LNX2: variants seen among roughly 807,000 people sequenced by gnomAD.
LNX2 encodes ligand of numb-protein X 2.
Under a neutral mutation model 66.2 loss-of-function variants are expected in LNX2, and 35 were observed. The observed-to-expected ratio is 0.53, with a 90% confidence interval of 0.40 to 0.70. The LOEUF is 0.70. Ranked by LOEUF, LNX2 falls within the 30% of genes least tolerant of loss-of-function variation. The pLI is 0.00. For synonymous variants in LNX2, 337 were observed against 315.6 expected (o/e 1.07, Z -0.72); for missense variants, 791 against 850.8 (o/e 0.93, Z 0.87).
At position 27,567,731 on chromosome 13, in the gene LNX2, GT is replaced by G. The variant is rs1397851209; in HGVS notation, c.763del (p.Thr255HisfsTer3). The G allele has an allele frequency of 6.2e-7, 1 of 1,613,906 alleles. No homozygotes were observed. On this transcript the variant is annotated frameshift_variant, in exon 4 of 10. Coordinates refer to ENST00000316334, the MANE Select transcript of LNX2 (RefSeq NM_153371.4). LOFTEE classifies it high-confidence loss of function. ...LGISIVGGNE[T>X]PLINIVIQEV... ...CTGGATGACAATGTTAATCAAAGGT[GT>G]TTCGTTGCCACCCACAATGCTGATT...
chr13:27,605,203 TA>T lies in LNX2; in HGVS notation c.-101+15171del, dbSNP rs1268858642. 4.6e-5 allele frequency among the ~76,000 whole-genome samples: 7 copies of T among 152,204 alleles called. No individual in the cohort carries two copies. In the East Asian group the frequency reaches 1.3e-3, roughly 29 times the overall value. On this transcript the variant is annotated intron_variant, in intron 1 of 9. Transcript: ENST00000316334. ...AAGTTGAAGCAGTATATAAAGAATG[TA>T]ACTATTCCTTTCTCTAGGTTTAATA...
At chr13:27,593,413 C>A (rs1057128233) in intron 1 of LNX2, among the ~76,000 whole-genome samples, 1 of 152,106 alleles carries the variant, frequency 6.6e-6, no homozygotes, top group African/African-American at 2.4e-5. Flanking sequence ...CCTAAAAGGG[C>A]TTCTACCTCC....
Position 27,562,665 on chromosome 13 carries a change from T to C in LNX2, c.972A>G (p.Ala324=). ...VLRERRFGNR[A]HNHSDSNSPR... is the part of the protein sequence containing the mutation. ...GAGAGTTACTATCAGAATGGTTGTG[T>C]GCTCGGTTGCCAAAGCGCCTCTCTC... Residue 324 remains alanine (A), a synonymous_variant, in exon 5 of 10, where the codon GCA becomes GCG. Transcript: ENST00000316334. The C allele has an allele frequency of 6.2e-7, 1 of 1,614,184 alleles. No individual in the cohort carries two copies. Among genetic ancestry groups the C allele is most frequent in the Non-Finnish European group, 8.5e-7 (1 of 1,180,026 alleles).
chr13:27,582,051 T>G (rs1955404705), intron 1 of LNX2, among the ~76,000 whole-genome samples: 1 of 152,114 alleles, frequency 6.6e-6, no homozygotes, highest in Non-Finnish European at 1.5e-5. Flanking sequence ...GCTTTTTGAG[T>G]CAGGGTCTTG....
chr13:27,567,856 G>A lies in LNX2; in HGVS notation c.656-17C>T, dbSNP rs369089433. On this transcript the variant is annotated splice_polypyrimidine_tract_variant and intron_variant, in intron 3 of 9. Transcript: ENST00000316334. The stretch of plus-strand genomic sequence containing the variant: ...GTTGTGTGGCTGCCAAGTTAAAAAT[G>A]AGACAGACAAAAACAGATGTTAAAA... The A allele has an allele frequency of 7.5e-6, 12 of 1,605,538 alleles. No individual in the cohort carries two copies. The highest frequency in any genetic ancestry group is 1.3e-5 in the African/African-American group (1 of 74,828).
upstream of LNX2, chr13:27,620,718 G>C (rs1358344975): frequency 1.3e-5 from 2 of 152,386 alleles, no homozygotes; most frequent in East Asian, 3.9e-4. Context: ...GAAGGGACCC[G>C]TCACTCCCGG....
At chr13:27,568,276 G>T (rs1187654742) in intron 3 of LNX2, among the ~76,000 whole-genome samples, 1 of 152,212 alleles carries the variant, frequency 6.6e-6, no homozygotes, top group African/African-American at 2.4e-5. Context: ...GTCTTGAACG[G>T]AGACGTAGGA....
intron 1 of LNX2, among the ~76,000 whole-genome samples, chr13:27,582,206 A>AT (rs1454512682): frequency 1.3e-5 from 2 of 151,570 alleles, no homozygotes; most frequent in Non-Finnish European, 2.9e-5. Context: ...ATTTTTTTGT[A>AT]TTTTTTTGTA....
At chr13:27,615,401 T>G (rs1955815795) in intron 1 of LNX2, among the ~76,000 whole-genome samples, 1 of 152,250 alleles carries the variant, frequency 6.6e-6, no homozygotes, top group African/African-American at 2.4e-5. Flanking sequence ...AACCTCCATG[T>G]GATCAGCTGT....
intron 1 of LNX2, among the ~76,000 whole-genome samples, chr13:27,614,657 AG>A (rs1461717477): frequency 6.6e-6 from 1 of 152,254 alleles, no homozygotes; most frequent in Admixed American, 6.5e-5. Flanking sequence ...GGCAGTAGGC[AG>A]GAAGAACCCA....
chr13:27,579,770 C>A (rs1566123300), intron 2 of LNX2, among the ~76,000 whole-genome samples: 1 of 152,158 alleles, frequency 6.6e-6, no homozygotes, highest in Non-Finnish European at 1.5e-5. Context: ...AACAGTTCTA[C>A]TGAAAGAAGC....
chr13:27,591,875 GAGA>G (rs1259085174), intron 1 of LNX2, among the ~76,000 whole-genome samples: 4 of 152,240 alleles, frequency 2.6e-5, no homozygotes, highest in African/African-American at 9.6e-5. Context: ...AGAACTCACT[GAGA>G]AGGTGGCATT....
rs542869139 is a variant in LNX2, at chr13:27,547,635, T to C, written c.*700A>G. The C allele has an allele frequency of 1.6e-4, 24 of 152,308 alleles. No homozygotes were observed. Among genetic ancestry groups the C allele is most frequent in the African/African-American group, 5.5e-4 (23 of 41,552 alleles). The allele number at this position is 152,308 out of a possible 1,614,324, so 9.4% of individuals were successfully genotyped here. ...ACTTTGGGAGGCTGAGGCGGGCAGA[T>C]CACAAGGTCAGGAGATCGAGACCAT... On this transcript the variant is annotated 3_prime_UTR_variant, in exon 10 of 10. Transcript: ENST00000316334.
At chr13:27,558,358 T>C (rs1018733569) in intron 6 of LNX2, among the ~76,000 whole-genome samples, 3 of 152,164 alleles carry the variant, frequency 2.0e-5, no homozygotes, top group Admixed American at 2.0e-4. Flanking sequence ...AGCATCACTA[T>C]TTAGAACATT....
chr13:27,580,716 A>C (rs1158743468), intron 2 of LNX2, among the ~76,000 whole-genome samples: 1 of 152,186 alleles, frequency 6.6e-6, no homozygotes, highest in Non-Finnish European at 1.5e-5. Context: ...AATCTTTACA[A>C]GATCTTAGCA....
At chr13:27,582,490 G>A (rs1955411116) in intron 1 of LNX2, among the ~76,000 whole-genome samples, 1 of 152,218 alleles carries the variant, frequency 6.6e-6, no homozygotes, top group African/African-American at 2.4e-5. Flanking sequence ...TGTGCTAATA[G>A]TAATGCTGTT....
At chr13:27,604,042 C>T (rs1955687476) in intron 1 of LNX2, among the ~76,000 whole-genome samples, 1 of 151,556 alleles carries the variant, frequency 6.6e-6, no homozygotes, top group South Asian at 2.1e-4. Context: ...ATTACAAGGT[C>T]AGGAGATCAA....
In LNX2 at chr13:27,620,074, C is replaced by T. The variant is rs576677766; in HGVS notation, c.-101+301G>A. ...ACGCCAAGCTCTGCACCACGGTGGC[C>T]GGAACCAGCAAACGCTAACAGCCGG... On this transcript the variant is annotated intron_variant, in intron 1 of 9. Transcript: ENST00000316334. Among the ~76,000 whole-genome samples, 182 of 152,302 alleles carry T rather than the reference C, an allele frequency of 1.2e-3. 1 individual carries two copies. Among genetic ancestry groups the T allele is most frequent in the Non-Finnish European group, 5.9e-4 (40 of 68,018 alleles).
At chr13:27,612,209 T>C (rs998621509) in intron 1 of LNX2, among the ~76,000 whole-genome samples, 2 of 152,178 alleles carry the variant, frequency 1.3e-5, no homozygotes, top group Non-Finnish European at 2.9e-5. Flanking sequence ...AGTTTTGGAC[T>C]AAATCATGAG....
Sources: allele counts gnomAD v4.1 joint callset (sites outside exome capture counted in the v4.1 genomes callset), GRCh38; gene constraint gnomAD v4.1.1; transcripts MANE v1.5; gene names NCBI Gene and HGNC (gene_info 2026-07-23, HGNC 2026-07-21).